The following POU6F1 variants were observed in gnomAD, a reference collection of about 807,000 sequenced individuals.
POU6F1 encodes the protein POU class 6 homeobox 1.
Under a neutral mutation model 28.9 loss-of-function variants are expected in POU6F1, and 9 were observed. The ratio of observed to expected loss-of-function variants is 0.31; its 90% CI spans 0.19 to 0.54. The LOEUF (loss-of-function observed/expected upper bound fraction) is 0.54. Among genes scored for constraint, POU6F1 ranks in the 20% least tolerant of loss-of-function variants. The pLI, the probability that POU6F1 is intolerant of heterozygous loss-of-function variation, is 0.94. For synonymous variants in POU6F1, 173 were observed against 171.1 expected, an observed-to-expected ratio of 1.01 and a Z score of -0.09; for missense variants, 338 against 426.1, an observed-to-expected ratio of 0.79 and a Z score of 1.82.
In POU6F1 at chr12:51,196,964, G is replaced by C. The variant is rs779374847; in HGVS notation, c.847-37C>G. The C allele has an allele frequency of 1.2e-3, 1,571 of 1,318,358 alleles. 1 individual carries two copies. Among genetic ancestry groups the C allele is most frequent in the Non-Finnish European group, 1.6e-3 (1,445 of 928,720 alleles). 81.7% of individuals were successfully genotyped at this position (1,318,358 alleles called of 1,614,324 possible). A position where few individuals can be genotyped will look rare whatever the true frequency, so the allele number is the denominator to read the frequency against. ...GGAAGAGCCTTGCTCAGAAGCCAAGGGGTGAGAAGAACCCCGGGCAGAGGG... is the reference window on the plus strand; with the variant it reads ...GGAAGAGCCTTGCTCAGAAGCCAAGCGGTGAGAAGAACCCCGGGCAGAGGG... On this transcript the variant is annotated intron_variant, in intron 6 of 10. Transcript: ENST00000333640.
chr12:51,191,513 G>A (rs1942405544), intron 10 of POU6F1, 83 bp downstream of exon 10: 8 of 1,487,638 alleles, frequency 5.4e-6, no homozygotes, highest in Non-Finnish European at 7.3e-6. Flanking sequence ...TGGAAAAGGG[G>A]CCGGTGCTCA....
intron 8 of POU6F1, among the ~76,000 whole-genome samples, chr12:51,195,604 G>A (rs1942760460): frequency 3.3e-5 from 5 of 152,180 alleles, no homozygotes; most frequent in Admixed American, 3.3e-4. Flanking sequence ...GAGGGGTAGA[G>A]GAATGGGGTA....
intron 2 of POU6F1, among the ~76,000 whole-genome samples, chr12:51,205,975 C>G (rs1175529947): frequency 6.6e-6 from 1 of 150,494 alleles, no homozygotes; most frequent in East Asian, 2.0e-4. Flanking sequence ...CCCACCACCA[C>G]GCCCGGCTAA....
intron 1 of POU6F1, among the ~76,000 whole-genome samples, chr12:51,208,873 G>A (rs1033492778): frequency 1.3e-5 from 2 of 152,122 alleles, no homozygotes; most frequent in African/African-American, 4.8e-5. Flanking sequence ...GGAGGTTGAG[G>A]CTGTGGTGAG....
intron 3 of POU6F1, among the ~76,000 whole-genome samples, chr12:51,203,006 C>G (rs901416679): frequency 1.3e-5 from 2 of 152,126 alleles, no homozygotes; most frequent in African/African-American, 4.8e-5. Flanking sequence ...TTCCACCGCT[C>G]TAAGCTGGCA....
chr12:51,199,298 T>C lies in POU6F1; in HGVS notation c.366+449A>G, dbSNP rs1300828720. On this transcript the variant is annotated intron_variant, in intron 4 of 10. Transcript: ENST00000333640. This position sits in a 1 kb window ranked among gnomAD's most constrained non-coding sequence, Gnocchi z 4.1. ...CTGGATGCCTTGGAGTCAGGGAATGTAGCGAAAGGGACAGGGAGCTCTGCC... is the reference window on the plus strand; with the variant it reads ...CTGGATGCCTTGGAGTCAGGGAATGCAGCGAAAGGGACAGGGAGCTCTGCC... Among the ~76,000 whole-genome samples, 3 of 152,070 alleles carry C rather than the reference T, an allele frequency of 2.0e-5. No individual in the cohort carries two copies. Among genetic ancestry groups the C allele is most frequent in the African/African-American group, 4.8e-5 (2 of 41,398 alleles).
At chr12:51,214,120 A>G (rs892883364) in intron 1 of POU6F1, among the ~76,000 whole-genome samples, 1 of 151,798 alleles carries the variant, frequency 6.6e-6, no homozygotes, top group Non-Finnish European at 1.5e-5. Context: ...CCTGTCTGGG[A>G]GACACAGTGA....
At chr12:51,203,072 C>T (rs1943331556) in intron 3 of POU6F1, among the ~76,000 whole-genome samples, 1 of 152,022 alleles carries the variant, frequency 6.6e-6, no homozygotes, top group Non-Finnish European at 1.5e-5. Flanking sequence ...GACTAAAATT[C>T]CTTTATAGAG....
intron 2 of POU6F1, among the ~76,000 whole-genome samples, chr12:51,206,124 T>C (rs1425370177): frequency 3.4e-5 from 5 of 148,512 alleles, no homozygotes; most frequent in African/African-American, 1.2e-4. Context: ...TGGCCTTTTT[T>C]TCTCCTTTTA....
chr12:51,208,110 CAAAA>C (rs11316062), intron 1 of POU6F1, among the ~76,000 whole-genome samples: 2 of 136,510 alleles, frequency 1.5e-5, no homozygotes, highest in Non-Finnish European at 1.6e-5. Flanking sequence ...CTGTCTGTAC[CAAAA>C]AAAAAAAAAA....
At chr12:51,214,075 G>A (rs1327437334) in intron 1 of POU6F1, among the ~76,000 whole-genome samples, 3 of 151,988 alleles carry the variant, frequency 2.0e-5, no homozygotes, top group Non-Finnish European at 2.9e-5. Context: ...CCGGGAGGCG[G>A]AGGTTGCAGT....
chr12:51,198,332 G>T (rs935583913), intron 5 of POU6F1, among the ~76,000 whole-genome samples: 1 of 152,206 alleles, frequency 6.6e-6, no homozygotes, highest in African/African-American at 2.4e-5. Flanking sequence ...ACAGCTGGCC[G>T]AAGTACGGCA....
At chr12:51,194,140 C>T (rs1383085299) in intron 8 of POU6F1, among the ~76,000 whole-genome samples, 1 of 152,134 alleles carries the variant, frequency 6.6e-6, no homozygotes, top group African/African-American at 2.4e-5. Flanking sequence ...AATTCTCCTA[C>T]CTCGGCCTCC....
Position 51,199,411 on chromosome 12 carries a change from T to A in POU6F1, c.366+336A>T, listed in dbSNP as rs556942630. Among the ~76,000 whole-genome samples the A allele has an allele frequency of 6.6e-5, 10 of 152,314 alleles. No homozygotes were observed. The East Asian group carries it at 1.7e-3, about 26-fold the overall frequency. On this transcript the variant is annotated intron_variant, in intron 4 of 10. Coordinates refer to ENST00000333640, the MANE Select transcript of POU6F1 (RefSeq NM_001330422.2). The surrounding 1 kb of genome is among the most constrained non-coding windows in gnomAD (Gnocchi z 4.1). ...GGACTCTGAACAATCCATTAACTCT[T>A]ACAGGCATCCACTGGAGGGCCGGCA...
chr12:51,204,219 A>C lies in POU6F1; in HGVS notation c.198T>G (p.Ala66=). The change falls in exon 3 of 11, where the codon GCT becomes GCG. Residue 66 remains alanine (A), a synonymous_variant. Coordinates refer to ENST00000333640, the MANE Select transcript of POU6F1 (RefSeq NM_001330422.2). ...SGDPAEASQA[A]GEAGPDNLGS... is the part of the protein sequence containing the mutation. ...CCAGGTTGTCTGGCCCAGCTTCACC[A>C]GCAGCTTGACTGGCTTCAGCAGGGT... The C allele has an allele frequency of 2.5e-6, 1 of 399,242 alleles. No homozygotes were observed. The highest frequency in any genetic ancestry group is 4.4e-6 in the Non-Finnish European group (1 of 226,250). The allele number at this position is 399,242 out of a possible 1,614,324, so 24.7% of individuals were successfully genotyped here.
chr12:51,211,368 C>T (rs531465936), intron 1 of POU6F1, among the ~76,000 whole-genome samples: 8 of 152,324 alleles, frequency 5.3e-5, no homozygotes, highest in South Asian at 2.1e-4. Context: ...CTTTGAAAAA[C>T]GCCTGGATCA....
intron 8 of POU6F1, among the ~76,000 whole-genome samples, chr12:51,193,030 A>C (rs1398224600): frequency 6.6e-6 from 1 of 152,236 alleles, no homozygotes; most frequent in Non-Finnish European, 1.5e-5. Context: ...CAACTGTGAC[A>C]CAGGCAGGCG....
chr12:51,201,175 A>G (rs1226695784), intron 3 of POU6F1, among the ~76,000 whole-genome samples: 1 of 152,158 alleles, frequency 6.6e-6, no homozygotes, highest in East Asian at 1.9e-4. Flanking sequence ...GTTCTGTCCA[A>G]CCCTGCAGTA....
At chr12:51,204,776 T>C (rs1211550986) in intron 2 of POU6F1, among the ~76,000 whole-genome samples, 3 of 152,128 alleles carry the variant, frequency 2.0e-5, no homozygotes, top group Non-Finnish European at 2.9e-5. Flanking sequence ...TAACATGGTA[T>C]CCACAGCTTA....
Sources: gnomAD v4.1 joint callset for allele counts (sites outside exome capture counted in the v4.1 genomes callset) on GRCh38, gnomAD v4.1.1 for gene constraint, Gnocchi (gnomAD v3.1) non-coding constraint, MANE v1.5 for transcripts, NCBI Gene and HGNC (gene_info 2026-07-23, HGNC 2026-07-21) for gene names.